GPM6A: variants seen among roughly 807,000 people sequenced by gnomAD.
The protein encoded by GPM6A is neuronal membrane glycoprotein M6-a.
Under a neutral mutation model 32.1 loss-of-function variants are expected in GPM6A, and 7 were observed. That is an observed-to-expected ratio of 0.22 (90% confidence interval 0.12 to 0.41). The LOEUF is 0.41. Among genes scored for constraint, GPM6A ranks in the 10% least tolerant of loss-of-function variants. The pLI is 1.00. For missense variants in GPM6A, 235 were observed against 347.2 expected, an observed-to-expected ratio of 0.68 and a Z score of 2.57; for synonymous variants, 130 against 123.4, an observed-to-expected ratio of 1.05 and a Z score of -0.35.
chr4:175,770,777 G>A (rs150209395), intron 1 of GPM6A, among the ~76,000 whole-genome samples: 1 of 151,980 alleles, frequency 6.6e-6, no homozygotes, highest in Non-Finnish European at 1.5e-5. Flanking sequence ...CTGGTTAATC[G>A]GCCATAATAT....
At chr4:175,914,605 G>A (rs990267477) in intron 1 of GPM6A, among the ~76,000 whole-genome samples, 1 of 152,152 alleles carries the variant, frequency 6.6e-6, no homozygotes, top group African/African-American at 2.4e-5. Context: ...TTACAGGCGT[G>A]AGCCACCGCG....
intron 1 of GPM6A, among the ~76,000 whole-genome samples, chr4:175,902,856 A>G (rs1738010855): frequency 6.6e-6 from 1 of 152,144 alleles, no homozygotes; most frequent in Non-Finnish European, 1.5e-5. Flanking sequence ...TGGGAAAACG[A>G]AACTCAGCTA....
At chr4:175,991,010 A>G (rs902091578) in intron 1 of GPM6A, among the ~76,000 whole-genome samples, 2 of 151,456 alleles carry the variant, frequency 1.3e-5, no homozygotes, top group African/African-American at 4.8e-5. Flanking sequence ...GCTTTCTTAC[A>G]TACAATTAAC....
chr4:175,671,500 AAAAAAAGC>A (rs1288723859), intron 3 of GPM6A, among the ~76,000 whole-genome samples: 1 of 149,062 alleles, frequency 6.7e-6, no homozygotes, highest in Admixed American at 6.7e-5. Context: ...AAAAAAAAAA[AAAAAAAGC>A]AGCATCAGTA....
chr4:175,705,463 A>T (rs146784652), intron 1 of GPM6A, among the ~76,000 whole-genome samples: 80 of 152,260 alleles, frequency 5.3e-4, no homozygotes, highest in Middle Eastern at 3.4e-3. Flanking sequence ...AACTATCCCC[A>T]CTCTTCCACA....
chr4:176,001,506 C>T (rs866381269), intron 1 of GPM6A, among the ~76,000 whole-genome samples: 1 of 152,282 alleles, frequency 6.6e-6, no homozygotes, highest in Middle Eastern at 3.4e-3. Flanking sequence ...ACACCCAGTT[C>T]TTCCTCCCCT....
chr4:175,942,988 C>T (rs1739463788), intron 1 of GPM6A, among the ~76,000 whole-genome samples: 1 of 152,056 alleles, frequency 6.6e-6, no homozygotes. Context: ...GCCATTTTCA[C>T]TATATAGATT....
chr4:175,797,076 C>A (rs1426079128), intron 1 of GPM6A, among the ~76,000 whole-genome samples: 1 of 152,004 alleles, frequency 6.6e-6, no homozygotes, highest in Non-Finnish European at 1.5e-5. Context: ...ATATTCCATA[C>A]CAATGTATGA....
chr4:176,000,482 G>T (rs994751403), intron 1 of GPM6A, among the ~76,000 whole-genome samples: 1 of 152,154 alleles, frequency 6.6e-6, no homozygotes, highest in Non-Finnish European at 1.5e-5. Flanking sequence ...CTATAGTAAG[G>T]AAATGGAAAT....
intron 1 of GPM6A, among the ~76,000 whole-genome samples, chr4:175,905,567 C>G (rs1410600837): frequency 6.6e-6 from 1 of 152,028 alleles, no homozygotes; most frequent in African/African-American, 2.4e-5. Context: ...GGTGGGGCAC[C>G]TTCACGAAGG....
intron 1 of GPM6A, among the ~76,000 whole-genome samples, chr4:175,744,133 A>G (rs1294188590): frequency 6.6e-6 from 1 of 152,064 alleles, no homozygotes; most frequent in African/African-American, 2.4e-5. Flanking sequence ...GTAATAAACA[A>G]ATGTGAAAAT....
chr4:175,751,447 A>G (rs928016975), intron 1 of GPM6A, among the ~76,000 whole-genome samples: 2 of 152,198 alleles, frequency 1.3e-5, no homozygotes, highest in African/African-American at 4.8e-5. Flanking sequence ...TAATCTTATG[A>G]TAATTTAACT....
chr4:175,886,354 G>T lies in GPM6A; in HGVS notation c.-22-74105C>A, dbSNP rs939709804. ...GTAATCCAACAGAAAGTGACATAATGTCTGTAAAATGTTGGGAGAAAATAA... is the reference window on the plus strand; with the variant it reads ...GTAATCCAACAGAAAGTGACATAATTTCTGTAAAATGTTGGGAGAAAATAA... On this transcript the variant is annotated intron_variant, in intron 1 of 7. Coordinates refer to the GPM6A transcript ENST00000280187. 3.9e-5 allele frequency among the ~76,000 whole-genome samples: 6 copies of T among 152,264 alleles called. No individual in the cohort carries two copies. In the South Asian group the frequency reaches 1.2e-3, roughly 32 times the overall value.
Position 175,673,696 on chromosome 4 carries a change from C to G in GPM6A, c.371G>C (p.Arg124Thr), listed in dbSNP as rs772778871. The change falls in exon 3 of 7, where the codon AGA becomes ACA. Residue 124 changes from arginine to threonine, a missense_variant. Transcript: ENST00000393658. ...CTAACATACCCAAGCGCTCACACAT[C>G]TGCCACAAGTGGTGATTTTGAAATC... Reference protein sequence around the residue: ...YGDFKITTCGRCVSAWFIMLT... With the variant: ...YGDFKITTCGTCVSAWFIMLT... 2 of 1,609,466 alleles carry G rather than the reference C, an allele frequency of 1.2e-6. No homozygotes were observed. Among genetic ancestry groups the G allele is most frequent in the Non-Finnish European group, 1.7e-6 (2 of 1,176,632 alleles).
At chr4:175,826,317 CT>C (rs1322724564) in intron 1 of GPM6A, among the ~76,000 whole-genome samples, 1 of 146,060 alleles carries the variant, frequency 6.8e-6, no homozygotes, top group African/African-American at 2.5e-5. Context: ...CCCTCCTCCC[CT>C]GCTCAGTGGC....
At chr4:175,677,094 G>A (rs560115695) in intron 2 of GPM6A, among the ~76,000 whole-genome samples, 4 of 151,984 alleles carry the variant, frequency 2.6e-5, no homozygotes, top group African/African-American at 7.2e-5. Context: ...AATTTTAATC[G>A]TTTCTAATTT....
chr4:175,965,643 T>C (rs1445913401), intron 1 of GPM6A, among the ~76,000 whole-genome samples: 2 of 151,714 alleles, frequency 1.3e-5, no homozygotes, highest in Non-Finnish European at 2.9e-5. Flanking sequence ...AGACAGAGTT[T>C]CACCCTGTCT....
intron 1 of GPM6A, among the ~76,000 whole-genome samples, chr4:175,849,564 C>A (rs1398372212): frequency 6.6e-6 from 1 of 152,046 alleles, no homozygotes; most frequent in East Asian, 1.9e-4. Flanking sequence ...ATCTAGACTG[C>A]CCAGATTAAC....
chr4:175,876,594 G>A (rs187729210), intron 1 of GPM6A, among the ~76,000 whole-genome samples: 11 of 152,134 alleles, frequency 7.2e-5, no homozygotes, highest in East Asian at 1.9e-4. Context: ...TGTGGGATGC[G>A]CAATTTAAGA....
Sources: gnomAD v4.1 joint callset for allele counts (sites outside exome capture counted in the v4.1 genomes callset) on GRCh38, gnomAD v4.1.1 for gene constraint, MANE v1.5 for transcripts, NCBI Gene and HGNC (gene_info 2026-07-23, HGNC 2026-07-21) for gene names.